SWT1: variants seen among roughly 807,000 people sequenced by gnomAD.
SWT1 encodes transcriptional protein SWT1.
SWT1 carries 33 observed loss-of-function variants against 107.3 expected under a neutral mutation model. The observed-to-expected ratio is 0.31, with a 90% CI of 0.23 to 0.41. The LOEUF (loss-of-function observed/expected upper bound fraction) is 0.41, where lower values mean the gene tolerates loss of function less well. Among genes scored for constraint, SWT1 ranks in the 10% least tolerant of loss-of-function variants. SWT1 has a pLI of 1.00. For synonymous variants in SWT1, 345 were observed against 348.3 expected, an observed-to-expected ratio of 0.99 and a Z score of 0.11; for missense variants, 898 against 1,028.9, an observed-to-expected ratio of 0.87 and a Z score of 1.74.
intron 16 of SWT1, among the ~76,000 whole-genome samples, chr1:185,234,112 C>T: frequency 6.6e-6 from 1 of 152,138 alleles, no homozygotes; most frequent in Non-Finnish European, 1.5e-5. Context: ...GCGGAGAGTT[C>T]TGTAGATGTC....
At chr1:185,205,964 GAC>G (rs1353494245) in intron 12 of SWT1, among the ~76,000 whole-genome samples, 1 of 152,032 alleles carries the variant, frequency 6.6e-6, no homozygotes, top group Non-Finnish European at 1.5e-5. Context: ...AGTTGTCACT[GAC>G]ATCTTTTTTC....
intron 10 of SWT1, among the ~76,000 whole-genome samples, chr1:185,191,539 T>G (rs528028654): frequency 6.6e-6 from 1 of 152,308 alleles, no homozygotes; most frequent in East Asian, 1.9e-4. Flanking sequence ...CTAACATGTT[T>G]CTTGGAAACA....
At chr1:185,231,926 A>G (rs943575719) in intron 16 of SWT1, among the ~76,000 whole-genome samples, 16 of 152,308 alleles carry the variant, frequency 1.1e-4, no homozygotes, top group Admixed American at 4.6e-4. Context: ...TGAATTAGAT[A>G]TATAGGTTGA....
chr1:185,215,945 C>T (rs922021021), intron 14 of SWT1, among the ~76,000 whole-genome samples: 3 of 152,048 alleles, frequency 2.0e-5, no homozygotes, highest in Non-Finnish European at 2.9e-5. Context: ...AACTTTTATC[C>T]AGTATAGATA....
intron 14 of SWT1, among the ~76,000 whole-genome samples, chr1:185,216,652 A>G (rs994438081): frequency 2.0e-5 from 3 of 152,156 alleles, no homozygotes; most frequent in Non-Finnish European, 4.4e-5. Context: ...CCCATTGCAT[A>G]CTTAAAAGTA....
chr1:185,225,128 G>C (rs1332719263), intron 15 of SWT1, among the ~76,000 whole-genome samples: 1 of 152,062 alleles, frequency 6.6e-6, no homozygotes, highest in Non-Finnish European at 1.5e-5. Context: ...TAATCATGAA[G>C]GGATGTTGAA....
Position 185,231,638 on chromosome 1 carries a change from T to G in SWT1, c.2371T>G (p.Phe791Val). 6.2e-7 allele frequency: 1 copy of G among 1,609,118 alleles called. No homozygotes were observed. Among genetic ancestry groups the G allele is most frequent in the Non-Finnish European group, 8.5e-7 (1 of 1,175,880 alleles). ...TCTGACTACTTCAAATATAGCATCATTTGAAGAAGCATTTATATGTCTTCA... is the reference window on the plus strand; with the variant it reads ...TCTGACTACTTCAAATATAGCATCAGTTGAAGAAGCATTTATATGTCTTCA... ...SALTTSNIAS[F>V]EEAFICLQKL... Residue 791 changes from phenylalanine to valine, a missense_variant, in exon 16 of 19, where the codon TTT becomes GTT. Physicochemically the swap from Phe to Val is conservative, Grantham distance 50. This residue lies in a region of SWT1 where 382 missense variants were observed against 460.0 expected (regional missense o/e 0.83). Coordinates refer to ENST00000367500, the MANE Select transcript of SWT1 (RefSeq NM_017673.7).
intron 15 of SWT1, among the ~76,000 whole-genome samples, chr1:185,226,186 ATT>A (rs1660038533): frequency 6.6e-6 from 1 of 152,182 alleles, no homozygotes. Context: ...ATGTACATGC[ATT>A]TGTGTTGGAT....
intron 10 of SWT1, among the ~76,000 whole-genome samples, chr1:185,192,110 T>C (rs1011875313): frequency 1.3e-5 from 2 of 152,230 alleles, no homozygotes; most frequent in Admixed American, 6.5e-5. Flanking sequence ...GAAAAACTTT[T>C]ATAACACTTA....
intron 5 of SWT1, among the ~76,000 whole-genome samples, chr1:185,180,166 A>AGAGT (rs1655898547): frequency 6.6e-6 from 1 of 152,166 alleles, no homozygotes; most frequent in South Asian, 2.1e-4. Context: ...TTTGGGTGAC[A>AGAGT]GAGTGAGACC....
At chr1:185,261,662 G>A (rs1663024350) in intron 16 of SWT1, among the ~76,000 whole-genome samples, 1 of 129,552 alleles carries the variant, frequency 7.7e-6, no homozygotes, top group African/African-American at 3.3e-5. Flanking sequence ...ACCAATGCCT[G>A]TGATTTTCTG....
chr1:185,247,338 G>T (rs982457976), intron 16 of SWT1, among the ~76,000 whole-genome samples: 2 of 152,182 alleles, frequency 1.3e-5, no homozygotes, highest in Non-Finnish European at 2.9e-5. Context: ...AGGGATAAAA[G>T]AAAGGGGAAG....
intron 11 of SWT1, 49 bp from the exon 12 acceptor site, chr1:185,204,651 T>A: frequency 9.4e-7 from 1 of 1,065,374 alleles, no homozygotes; most frequent in Non-Finnish European, 1.4e-6. Context: ...ATATGTATAA[T>A]AATTACTGTT....
chr1:185,157,106 G>C (rs558909907), upstream of SWT1: 1 of 190,522 alleles, frequency 5.2e-6, no homozygotes, highest in Admixed American at 5.6e-5. Context: ...TCTGGGGGCG[G>C]GGCCGGAGTT....
chr1:185,261,482 T>C (rs1270113807), intron 16 of SWT1, among the ~76,000 whole-genome samples: 1 of 152,150 alleles, frequency 6.6e-6, no homozygotes, highest in Non-Finnish European at 1.5e-5. Context: ...AAATACCTAT[T>C]TGAGTCTTTG....
At chr1:185,205,545 T>G (rs1658266961) in intron 12 of SWT1, among the ~76,000 whole-genome samples, 1 of 152,122 alleles carries the variant, frequency 6.6e-6, no homozygotes, top group Non-Finnish European at 1.5e-5. Context: ...ATTTTTGTAT[T>G]TTTATTAGAG....
chr1:185,157,919 A>T (rs1237064508), intron 1 of SWT1, among the ~76,000 whole-genome samples: 1 of 151,910 alleles, frequency 6.6e-6, no homozygotes, highest in African/African-American at 2.4e-5. Flanking sequence ...CTTAGTGCCT[A>T]CTTGACATTC....
chr1:185,168,720 T>G (rs1449392223), intron 4 of SWT1, among the ~76,000 whole-genome samples: 2 of 152,210 alleles, frequency 1.3e-5, no homozygotes, highest in African/African-American at 4.8e-5. Flanking sequence ...TGAGGCTAAT[T>G]TAGAGATTTT....
At position 185,181,932 on chromosome 1, in the gene SWT1, C is replaced by T. The variant is rs1656052696; in HGVS notation, c.1027-14C>T. ...GTAACTCAAAATATTTCACTGGGGT[C>T]TTTTACACTTTAGATGCAGATAGTA... On this transcript the variant is annotated splice_polypyrimidine_tract_variant and intron_variant, in intron 6 of 18. Coordinates refer to ENST00000367500, the MANE Select transcript of SWT1 (RefSeq NM_017673.7). 1 of 1,613,290 alleles carries T rather than the reference C, an allele frequency of 6.2e-7. No individual in the cohort carries two copies.
Sources: gnomAD v4.1 joint callset for allele counts (sites outside exome capture counted in the v4.1 genomes callset) on GRCh38, gnomAD v4.1.1 for gene constraint, gnomAD v4.1.1 regional missense constraint, MANE v1.5 for transcripts, NCBI Gene and HGNC (gene_info 2026-07-23, HGNC 2026-07-21) for gene names.